GNPAT: variants seen among roughly 807,000 people sequenced by gnomAD.
GNPAT encodes dihydroxyacetone phosphate acyltransferase.
A neutral mutation model predicts 78.4 loss-of-function variants in GNPAT; 30 were observed. The observed-to-expected ratio is 0.38, with a 90% confidence interval of 0.29 to 0.52. The LOEUF is 0.52. Among genes scored for constraint, GNPAT ranks in the 20% least tolerant of loss-of-function variants. The probability of loss-of-function intolerance (pLI) is 0.84; values close to 1 mark genes in which losing one functional copy is unlikely to be tolerated. For synonymous variants in GNPAT, 271 were observed against 281.1 expected (o/e 0.96, Z 0.36); for missense variants, 714 against 812.2 (o/e 0.88, Z 1.47).
At chr1:231,277,333 C>T (rs1175389987) in intron 15 of GNPAT, among the ~76,000 whole-genome samples, 166 bp from the exon 16 acceptor site, 1 of 152,198 alleles carries the variant, frequency 6.6e-6, no homozygotes, top group Non-Finnish European at 1.5e-5. Flanking sequence ...GGAGCATCTA[C>T]CGCTTCCCTT....
chr1:231,241,464 C>T lies in GNPAT; in HGVS notation c.78+8C>T, dbSNP rs1240905183. On this transcript the variant is annotated splice_region_variant and intron_variant, in intron 1 of 15. Transcript: ENST00000366647. The stretch of plus-strand genomic sequence containing the variant: ...GTCGTGCTCCTCTACTCGGTAGGCG[C>T]CCAGGGAAAAGAGGCCCAGAGCGGA... 2 of 1,603,942 alleles carry T rather than the reference C, an allele frequency of 1.2e-6. No homozygotes were observed. Among genetic ancestry groups the T allele is most frequent in the South Asian group, 1.1e-5 (1 of 90,918 alleles).
intron 1 of GNPAT, among the ~76,000 whole-genome samples, chr1:231,244,898 A>G (rs1684707904): frequency 6.6e-6 from 1 of 152,180 alleles, no homozygotes; most frequent in African/African-American, 2.4e-5. Flanking sequence ...AAAGATGCAG[A>G]TGCCTTACTA....
chr1:231,264,515 G>A (rs913055564), intron 4 of GNPAT, among the ~76,000 whole-genome samples: 1 of 152,154 alleles, frequency 6.6e-6, no homozygotes, highest in African/African-American at 2.4e-5. Flanking sequence ...AAGTATACAC[G>A]TTTGTTAATA....
chr1:231,270,748 T>C lies in GNPAT; in HGVS notation c.1280-10T>C. 2 of 1,614,012 alleles carry C rather than the reference T, an allele frequency of 1.2e-6. No individual in the cohort carries two copies. The highest frequency in any genetic ancestry group is 4.5e-5 in the East Asian group (2 of 44,882). ...CCCATCTTGTTTGAATGAATTGTCT[T>C]TGTGTGTAGATAATAAACCTGCTGA... On this transcript the variant is annotated splice_polypyrimidine_tract_variant and intron_variant, in intron 9 of 15. Transcript: ENST00000366647.
intron 10 of GNPAT, among the ~76,000 whole-genome samples, chr1:231,271,611 C>A (rs1685568341): frequency 6.6e-6 from 1 of 152,092 alleles, no homozygotes; most frequent in South Asian, 2.1e-4. Flanking sequence ...CAAAGCTCCA[C>A]AGTGATTCTA....
chr1:231,259,310 A>T (rs910325744), intron 2 of GNPAT, among the ~76,000 whole-genome samples: 2 of 152,190 alleles, frequency 1.3e-5, no homozygotes, highest in Non-Finnish European at 2.9e-5. Context: ...GTGGTTGCAC[A>T]ACATTTGTGA....
chr1:231,252,759 T>TG (rs1248410903), intron 2 of GNPAT, among the ~76,000 whole-genome samples: 1 of 152,130 alleles, frequency 6.6e-6, no homozygotes, highest in Admixed American at 6.6e-5. Context: ...CAAGCATGTA[T>TG]GCAACTAGTG....
intron 6 of GNPAT, 76 bp downstream of exon 6, chr1:231,265,863 T>G (rs1289800929): frequency 1.8e-6 from 2 of 1,082,006 alleles, no homozygotes; most frequent in African/African-American, 3.1e-5. Flanking sequence ...ACGCTTTATT[T>G]AACAAGATAT....
chr1:231,246,645 T>G (rs1405147687), intron 1 of GNPAT, among the ~76,000 whole-genome samples: 3 of 152,228 alleles, frequency 2.0e-5, no homozygotes, highest in Non-Finnish European at 4.4e-5. Flanking sequence ...TTTACTTACT[T>G]AATGATAGTA....
At chr1:231,250,917 T>C in intron 1 of GNPAT, 44 bp from the exon 2 acceptor site, 1 of 1,267,604 alleles carries the variant, frequency 7.9e-7, no homozygotes, top group Non-Finnish European at 1.2e-6. Flanking sequence ...CTGTCCTGAT[T>C]TATTTTACAG....
chr1:231,266,089 G>A lies in GNPAT; in HGVS notation c.848G>A (p.Ser283Asn). 5.0e-6 allele frequency: 8 copies of A among 1,611,082 alleles called. No individual in the cohort carries two copies. The highest frequency in any genetic ancestry group is 6.8e-6 in the Non-Finnish European group (8 of 1,177,390). ...ACCTACCTTGTCCCAATTAGTATCA[G>A]TTATGATAAGATCTTGGAAGAAACT... ...FDTYLVPISI[S>N]YDKILEETLY... The change falls in exon 7 of 16, where the codon AGT becomes AAT. Residue 283 changes from serine to asparagine, a missense_variant. Physicochemically the swap from Ser to Asn is conservative, Grantham distance 46. Coordinates refer to ENST00000366647, the MANE Select transcript of GNPAT (RefSeq NM_014236.4).
chr1:231,276,123 A>G lies in GNPAT; in HGVS notation c.1938-12A>G, dbSNP rs1685707518. 1 of 1,079,012 alleles carries G rather than the reference A, an allele frequency of 9.3e-7. No individual in the cohort carries two copies. The highest frequency in any genetic ancestry group is 1.7e-5 in the Admixed American group (1 of 58,232). 66.8% of individuals were successfully genotyped at this position (1,079,012 alleles called of 1,614,324 possible). ...AGTTTATGTAATAATAAAGCTTATT[A>G]TTTTCTCCTAGAAATAATAACTGTA... is the stretch of plus-strand genomic sequence containing the variant. On this transcript the variant is annotated splice_polypyrimidine_tract_variant and intron_variant, in intron 14 of 15. Transcript: ENST00000366647.
intron 2 of GNPAT, 120 bp from the exon 3 acceptor site, chr1:231,260,387 A>G (rs1443449501): frequency 3.9e-6 from 3 of 761,054 alleles, no homozygotes; most frequent in African/African-American, 3.4e-5. Context: ...TTAAGAAGAC[A>G]CTATCTTTGA....
intron 9 of GNPAT, among the ~76,000 whole-genome samples, chr1:231,268,429 T>C (rs1408865306): frequency 6.6e-6 from 1 of 152,040 alleles, no homozygotes; most frequent in African/African-American, 2.4e-5. Flanking sequence ...ACTCTGAATA[T>C]CTTGAGGACT....
chr1:231,273,965 T>C lies in GNPAT; in HGVS notation c.1646T>C (p.Ile549Thr). The C allele has an allele frequency of 1.9e-6, 3 of 1,612,306 alleles. No homozygotes were observed. The highest frequency in any genetic ancestry group is 2.2e-5 in the East Asian group (1 of 44,880). ...GCYLLCKSEA[I>T]QVTTKDILVT... The stretch of plus-strand genomic sequence containing the variant: ...TACCTGCTTTGTAAAAGTGAAGCCA[T>C]ACAAGTGACTACGAAAGACATCCTA... Residue 549 changes from isoleucine (I) to threonine (T), a missense_variant, in exon 12 of 16, where the codon ATA (isoleucine) becomes ACA (threonine). Ile to Thr is a moderately conservative substitution (Grantham distance 89). Transcript: ENST00000366647.
rs1558321001 is a variant in GNPAT, at chr1:231,241,444, G to A, written c.66G>A (p.Val22=). The stretch of plus-strand genomic sequence containing the variant: ...GCCCAACCAGTCCCAGCGCTGTCGT[G>A]CTCCTCTACTCGGTAGGCGCCCAGG... ...SVGPTSPSAV[V]LLYSKELKKW... The change falls in exon 1 of 16, where the codon GTG becomes GTA. Residue 22 remains valine, a synonymous_variant. Coordinates refer to ENST00000366647, the MANE Select transcript of GNPAT (RefSeq NM_014236.4). The A allele has an allele frequency of 3.1e-6, 5 of 1,612,272 alleles. No homozygotes were observed. The highest frequency in any genetic ancestry group is 1.7e-6 in the Non-Finnish European group (2 of 1,178,380).
At chr1:231,275,603 T>A in intron 14 of GNPAT, 105 bp downstream of exon 14, 1 of 758,628 alleles carries the variant, frequency 1.3e-6, no homozygotes, top group Non-Finnish European at 2.4e-6. Context: ...TAGGAAATGC[T>A]ATATTCTACT....
At chr1:231,246,275 G>A (rs1050731326) in intron 1 of GNPAT, among the ~76,000 whole-genome samples, 8 of 152,186 alleles carry the variant, frequency 5.3e-5, no homozygotes, top group South Asian at 2.1e-4. Flanking sequence ...CATATCAAGC[G>A]TTAAATGGTT....
intron 10 of GNPAT, among the ~76,000 whole-genome samples, chr1:231,272,010 G>T (rs1685582022): frequency 6.6e-6 from 1 of 152,198 alleles, no homozygotes; most frequent in African/African-American, 2.4e-5. Flanking sequence ...TGAGGCTGGA[G>T]AATCGCTTGA....
Sources: allele counts gnomAD v4.1 joint callset (sites outside exome capture counted in the v4.1 genomes callset), GRCh38; gene constraint gnomAD v4.1.1; transcripts MANE v1.5; gene names NCBI Gene and HGNC (gene_info 2026-07-23, HGNC 2026-07-21).